AOX1: variants seen among roughly 807,000 people sequenced by gnomAD.
AOX1 encodes aldehyde oxidase 1.
AOX1 carries 153 observed loss-of-function variants against 169.5 expected under a neutral mutation model. The ratio of observed to expected loss-of-function variants is 0.90; its 90% CI spans 0.79 to 1.03. The LOEUF (loss-of-function observed/expected upper bound fraction) is 1.03. Ranked by LOEUF, AOX1 falls within the 50% of genes least tolerant of loss-of-function variation. The pLI is 0.00. For synonymous variants in AOX1, 562 were observed against 581.9 expected, an observed-to-expected ratio of 0.97 and a Z score of 0.49; for missense variants, 1,656 against 1,663.9, an observed-to-expected ratio of 1.00 and a Z score of 0.08.
Position 200,636,117 on chromosome 2 carries a change from C to CTTTTTTTTTT in AOX1, c.2347-774_2347-765dup, listed in dbSNP as rs765127387. Among the ~76,000 whole-genome samples the CTTTTTTTTTT allele has an allele frequency of 1.9e-4, 10 of 53,974 alleles. 1 individual carries two copies. The highest frequency in any genetic ancestry group is 2.3e-4 in the Non-Finnish European group (7 of 30,278). 35.4% of individuals were successfully genotyped at this position (53,974 alleles called of 152,430 possible). On this transcript the variant is annotated intron_variant, in intron 21 of 34. Transcript: ENST00000374700. ...CAATCCAAGCAAGAAGTGAGAAGTGCTTTTTTTTTTTTTTTTTTTTTTTTT... is the reference window on the plus strand; with the variant it reads ...CAATCCAAGCAAGAAGTGAGAAGTGCTTTTTTTTTTTTTTTTTTTTTTTTTTTTTTTTTTT...
intron 19 of AOX1, among the ~76,000 whole-genome samples, chr2:200,624,481 A>G (rs1197494449): frequency 6.6e-6 from 1 of 152,136 alleles, no homozygotes; most frequent in African/African-American, 2.4e-5. Flanking sequence ...CTGTTTGGAA[A>G]GGGAAAGGGG....
chr2:200,622,118 A>G (rs1014497233), intron 18 of AOX1, among the ~76,000 whole-genome samples: 1 of 152,224 alleles, frequency 6.6e-6, no homozygotes, highest in African/African-American at 2.4e-5. Flanking sequence ...GATATGTATG[A>G]TCTCTACTCT....
rs527983287 is a variant in AOX1 at position 200,596,072 on chromosome 2, C to T, written c.200+704C>T. Among the ~76,000 whole-genome samples, 56 of 152,372 alleles carry T rather than the reference C, an allele frequency of 3.7e-4. 1 individual carries two copies. Among genetic ancestry groups the T allele is most frequent in the Admixed American group, 3.7e-3 (56 of 15,312 alleles). On this transcript the variant is annotated intron_variant, in intron 3 of 34. Transcript: ENST00000374700. Reference sequence around the variant, plus strand: ...TCAAATATTTACTCTGTGCCACACACTCTTCCCTCTGTTCTTCTGGGAATC... The same window carrying T: ...TCAAATATTTACTCTGTGCCACACATTCTTCCCTCTGTTCTTCTGGGAATC...
chr2:200,630,544 A>AAGGG (rs1253532055), intron 20 of AOX1, among the ~76,000 whole-genome samples: 2 of 128,470 alleles, frequency 1.6e-5, no homozygotes, highest in East Asian at 2.2e-4. Flanking sequence ...GGATGGAAGG[A>AAGGG]AGGGAGGAAG....
chr2:200,670,522 C>A, intron 34 of AOX1, 107 bp from the exon 35 acceptor site: 2 of 849,046 alleles, frequency 2.4e-6, no homozygotes, highest in South Asian at 1.5e-5. Context: ...CCTGTCATGG[C>A]CCTGGTTGCC....
At chr2:200,663,584 T>A (rs1444428199) in intron 31 of AOX1, among the ~76,000 whole-genome samples, 1 of 139,700 alleles carries the variant, frequency 7.2e-6, no homozygotes, top group Non-Finnish European at 1.6e-5. Flanking sequence ...TCTCTCTCTC[T>A]CTCTCTCTCT....
chr2:200,668,231 G>A (rs541104583), intron 32 of AOX1, among the ~76,000 whole-genome samples: 15 of 151,702 alleles, frequency 9.9e-5, no homozygotes, highest in African/African-American at 1.7e-4. Context: ...TCAGCCTCCC[G>A]AGTAGCTGGA....
At chr2:200,603,935 G>C in intron 7 of AOX1, 82 bp from the exon 8 acceptor site, 1 of 936,086 alleles carries the variant, frequency 1.1e-6, no homozygotes, top group South Asian at 1.4e-5. Flanking sequence ...ATCTGACTGT[G>C]TATCTATATC....
At chr2:200,667,578 C>T (rs1173190398) in intron 32 of AOX1, among the ~76,000 whole-genome samples, 3 of 151,314 alleles carry the variant, frequency 2.0e-5, no homozygotes, top group Admixed American at 6.6e-5. Flanking sequence ...GAATGAGAAA[C>T]GACATTAGGG....
chr2:200,663,568 A>ACACACT (rs1383051393), intron 31 of AOX1, among the ~76,000 whole-genome samples: 2 of 123,510 alleles, frequency 1.6e-5, no homozygotes, highest in Non-Finnish European at 3.5e-5. Flanking sequence ...ACACACACAC[A>ACACACT]CACACTCTCT....
intron 25 of AOX1, among the ~76,000 whole-genome samples, chr2:200,650,709 T>C (rs747686711): frequency 1.1e-4 from 16 of 152,218 alleles, no homozygotes; most frequent in Non-Finnish European, 1.6e-4. Flanking sequence ...TTGAGTTATA[T>C]TGGAACATAA....
At chr2:200,668,401 G>T (rs184063229) in intron 32 of AOX1, among the ~76,000 whole-genome samples, 46 of 152,140 alleles carry the variant, frequency 3.0e-4, no homozygotes, top group Middle Eastern at 3.4e-3. Flanking sequence ...GAGCCACCAC[G>T]CCCGGCTGAC....
intron 2 of AOX1, among the ~76,000 whole-genome samples, chr2:200,593,740 G>T (rs932279349): frequency 6.6e-6 from 1 of 152,176 alleles, no homozygotes; most frequent in Non-Finnish European, 1.5e-5. Flanking sequence ...TTCAAAGAGG[G>T]TGTGTACATT....
chr2:200,621,855 C>T (rs948297080), intron 18 of AOX1, among the ~76,000 whole-genome samples: 5 of 152,208 alleles, frequency 3.3e-5, no homozygotes, highest in Admixed American at 1.3e-4. Context: ...TGGGTTCAAG[C>T]GATTCTCCTG....
chr2:200,599,704 C>A lies in AOX1; in HGVS notation c.394C>A (p.His132Asn). Residue 132 changes from histidine (H) to asparagine (N), a missense_variant, in exon 5 of 35, where the codon CAC becomes AAC. Transcript: ENST00000374700. ...VMSIYTLLRN[H>N]PEPTLDQLTD... The stretch of plus-strand genomic sequence containing the variant: ...GTCCATCTACACGCTGCTCAGGAAC[C>A]ACCCAGAGCCCACTCTGGATCAGTT... The A allele has an allele frequency of 6.2e-7, 1 of 1,611,580 alleles. No individual in the cohort carries two copies. The highest frequency in any genetic ancestry group is 1.3e-5 in the African/African-American group (1 of 74,890).
intron 20 of AOX1, among the ~76,000 whole-genome samples, chr2:200,629,627 T>C (rs554910626): frequency 1.2e-4 from 19 of 152,260 alleles, no homozygotes; most frequent in African/African-American, 3.8e-4. Flanking sequence ...TAGTAAAATG[T>C]GGAAAATACT....
At chr2:200,620,574 T>C (rs1411818341) in intron 16 of AOX1, 76 bp from the exon 17 acceptor site, 2 of 1,296,658 alleles carry the variant, frequency 1.5e-6, no homozygotes, top group Middle Eastern at 2.0e-4. Context: ...TACCTTCTTA[T>C]GGGAAATGTG....
intron 31 of AOX1, among the ~76,000 whole-genome samples, chr2:200,664,110 A>G (rs1419824627): frequency 1.6e-5 from 2 of 127,288 alleles, no homozygotes; most frequent in Non-Finnish European, 3.2e-5. Flanking sequence ...TCTTGCATAG[A>G]ACTGATTTCT....
At chr2:200,623,032 CT>C (rs199784795) in intron 18 of AOX1, among the ~76,000 whole-genome samples, 2 of 152,040 alleles carry the variant, frequency 1.3e-5, no homozygotes, top group African/African-American at 2.4e-5. Flanking sequence ...TTTTTAATGC[CT>C]TTTTTTCGAT....
Sources: gnomAD v4.1 joint callset for allele counts (sites outside exome capture counted in the v4.1 genomes callset) on GRCh38, gnomAD v4.1.1 for gene constraint, MANE v1.5 for transcripts, NCBI Gene and HGNC (gene_info 2026-07-23, HGNC 2026-07-21) for gene names.